KLRG1: variants seen among roughly 807,000 people sequenced by gnomAD.
KLRG1 encodes killer cell lectin like receptor G1.
KLRG1 carries 16 observed loss-of-function variants against 21.8 expected under a neutral mutation model. That is an observed-to-expected ratio of 0.73 (90% CI 0.50 to 1.11). The LOEUF (loss-of-function observed/expected upper bound fraction) is 1.11. Among genes scored for constraint, KLRG1 ranks in the 50% most tolerant of loss-of-function variants. The pLI is 0.00. For synonymous variants in KLRG1, 69 were observed against 75.9 expected, an observed-to-expected ratio of 0.91 and a Z score of 0.47; for missense variants, 173 against 218.3, an observed-to-expected ratio of 0.79 and a Z score of 1.31.
At chr12:9,162,074 G>T in the KLRG1 span, among the ~76,000 whole-genome samples, 5 of 152,216 alleles carry the variant, frequency 3.3e-5, no homozygotes, top group East Asian at 1.9e-4. Context: ...CGATTCTCGT[G>T]CCCCAGCCCC....
the KLRG1 span, chr12:9,079,539 G>A: frequency 3.4e-6 from 4 of 1,188,780 alleles, no homozygotes; most frequent in Middle Eastern, 2.2e-4. Flanking sequence ...ATCATAGTGA[G>A]CTAAGCTAAT....
chr12:9,183,703 T>A, the KLRG1 span, among the ~76,000 whole-genome samples: 3 of 152,240 alleles, frequency 2.0e-5, no homozygotes, highest in Non-Finnish European at 2.9e-5. Context: ...TTTACTTTTT[T>A]AAAATGATTA....
the KLRG1 span, chr12:9,080,218 GC>G: frequency 7.4e-7 from 1 of 1,353,514 alleles, no homozygotes; most frequent in Non-Finnish European, 1.0e-6. Flanking sequence ...AATTATTTCT[GC>G]ATTATATCTT....
the KLRG1 span, chr12:9,115,966 C>T: frequency 1.2e-6 from 1 of 817,920 alleles, no homozygotes; most frequent in Non-Finnish European, 2.1e-6. Context: ...TGTGTGCAAA[C>T]AGGAAGTTCC....
the KLRG1 span, chr12:9,068,141 A>G: frequency 1.2e-6 from 2 of 1,609,736 alleles, no homozygotes; most frequent in Admixed American, 3.4e-5. Context: ...GGGCAAGCTG[A>G]AGGAGCTCTG....
At chr12:9,111,273 G>A in the KLRG1 span, among the ~76,000 whole-genome samples, 180 of 152,222 alleles carry the variant, frequency 1.2e-3, 1 homozygote, top group African/African-American at 4.3e-3. Context: ...TTTTAATGGA[G>A]CTTATGTTAT....
chr12:9,141,839 G>A, the KLRG1 span, among the ~76,000 whole-genome samples: 196 of 152,320 alleles, frequency 1.3e-3, no homozygotes, highest in African/African-American at 4.5e-3. Flanking sequence ...GACCCAGACA[G>A]AAGTTCAGAT....
At chr12:9,089,954 G>T in the KLRG1 span, 2 of 1,612,586 alleles carry the variant, frequency 1.2e-6, no homozygotes, top group Non-Finnish European at 1.7e-6. Flanking sequence ...TTCAGGAACT[G>T]AAGGCACCTC....
At chr12:9,086,075 A>G in the KLRG1 span, among the ~76,000 whole-genome samples, 3 of 152,236 alleles carry the variant, frequency 2.0e-5, 1 homozygote, top group South Asian at 6.2e-4. Context: ...TTTAAAAAGA[A>G]TGAATACCAA....
intron 1 of KLRG1, among the ~76,000 whole-genome samples, chr12:8,971,914 C>T (rs1303758296): frequency 6.6e-6 from 1 of 152,220 alleles, no homozygotes; most frequent in Non-Finnish European, 1.5e-5. Context: ...AACCCCTTAT[C>T]AGATATATGG....
At chr12:9,213,826 T>C in the KLRG1 span, among the ~76,000 whole-genome samples, 1 of 152,094 alleles carries the variant, frequency 6.6e-6, no homozygotes, top group South Asian at 2.1e-4. Context: ...TAGAAGTTTT[T>C]AGTTTTAATA....
the KLRG1 span, among the ~76,000 whole-genome samples, chr12:9,078,083 T>C: frequency 6.6e-6 from 1 of 152,182 alleles, no homozygotes; most frequent in African/African-American, 2.4e-5. Flanking sequence ...TTTAATTTTA[T>C]TTTAGTTCCG....
chr12:9,104,093 A>T, the KLRG1 span: 1 of 806,952 alleles, frequency 1.2e-6, no homozygotes, highest in Non-Finnish European at 1.9e-6. Context: ...CATAAACTTT[A>T]AAAAAGTTAA....
intron 3 of KLRG1, 99 bp downstream of exon 3, chr12:8,995,387 C>T: frequency 2.0e-6 from 2 of 1,024,020 alleles, no homozygotes; most frequent in Non-Finnish European, 2.8e-6. Context: ...TTTTAAGGAA[C>T]AGAAGGAATC....
the KLRG1 span, among the ~76,000 whole-genome samples, chr12:9,017,205 A>G: frequency 7.6e-6 from 1 of 131,544 alleles, no homozygotes; most frequent in East Asian, 2.5e-4. Context: ...TGGAGGTTGC[A>G]GTGAGCCGAG....
At chr12:9,121,548 C>A in the KLRG1 span, among the ~76,000 whole-genome samples, 6 of 152,044 alleles carry the variant, frequency 3.9e-5, no homozygotes, top group Non-Finnish European at 7.4e-5. The surrounding 1 kb of genome is among the most constrained non-coding windows in gnomAD (Gnocchi z 4.4). Context: ...TCGAAACAAA[C>A]AAACAAAAAA....
chr12:9,086,330 C>T, the KLRG1 span, among the ~76,000 whole-genome samples: 1 of 152,074 alleles, frequency 6.6e-6, no homozygotes, highest in Non-Finnish European at 1.5e-5. Context: ...GAGTTCAAGT[C>T]CAGCCTGGGG....
the KLRG1 span, chr12:9,110,132 C>A: frequency 7.6e-7 from 1 of 1,316,906 alleles, no homozygotes; most frequent in African/African-American, 1.5e-5. Flanking sequence ...ACAAAAAGGT[C>A]AAATGGGGTA....
At chr12:8,950,076 C>T (rs552885171) in exon 1 of KLRG1, 405 of 152,306 alleles carry the variant, frequency 2.7e-3, no homozygotes, top group Non-Finnish European at 3.9e-3. Flanking sequence ...CGGGCGCTTC[C>T]CTAGCCCGTT....
Sources: allele counts gnomAD v4.1 joint callset (sites outside exome capture counted in the v4.1 genomes callset), GRCh38; gene constraint gnomAD v4.1.1; non-coding constraint Gnocchi (gnomAD v3.1); transcripts MANE v1.5; gene names NCBI Gene and HGNC (gene_info 2026-07-23, HGNC 2026-07-21).